Variants in RAB6A observed in about 807,000 individuals in gnomAD.
The protein encoded by RAB6A is ras-related protein Rab-6A.
In RAB6A, 8 loss-of-function variants were observed where a neutral mutation model predicts 32.3. That is an observed-to-expected ratio of 0.25 (90% CI 0.15 to 0.45). RAB6A has a LOEUF of 0.45. RAB6A is among the 20% of genes least tolerant of loss of function. The pLI is 1.00. For missense variants in RAB6A, 104 were observed against 249.4 expected, an observed-to-expected ratio of 0.42 and a Z score of 3.93; for synonymous variants, 73 against 82.1, an observed-to-expected ratio of 0.89 and a Z score of 0.60.
At chr11:73,722,337 A>ATTTTTT (rs1946152503) in intron 2 of RAB6A, 1 of 9,996 alleles carries the variant, frequency 1.0e-4, no homozygotes, top group African/African-American at 3.6e-4. Context: ...ATATATATAT[A>ATTTTTT]TATATATTTT....
intron 6 of RAB6A, among the ~76,000 whole-genome samples, chr11:73,699,122 G>A (rs1945702117): frequency 6.6e-6 from 1 of 151,960 alleles, no homozygotes; most frequent in African/African-American, 2.4e-5. Flanking sequence ...CAAGGTGCTG[G>A]GATTACATGT....
intron 6 of RAB6A, among the ~76,000 whole-genome samples, chr11:73,701,440 G>GTC (rs1308014332): frequency 2.6e-5 from 4 of 152,162 alleles, no homozygotes; most frequent in Non-Finnish European, 5.9e-5. Context: ...TCTGAATTGT[G>GTC]ACTGACCTAC....
At position 73,733,493 on chromosome 11, in the gene RAB6A, G is replaced by A. The variant is rs190915980; in HGVS notation, c.71-2670C>T. Among the ~76,000 whole-genome samples, 247 of 151,756 alleles carry A rather than the reference G, an allele frequency of 1.6e-3. 1 individual carries two copies. The highest frequency in any genetic ancestry group is 5.7e-3 in the African/African-American group (236 of 41,406). On this transcript the variant is annotated intron_variant, in intron 1 of 7. Transcript: ENST00000336083. ...GAACCCAGGAGGTGGAGGTTACAGT[G>A]AGCCGAGATCATGCCACTGCACTCC...
At chr11:73,714,213 T>A (rs200532846) in intron 5 of RAB6A, among the ~76,000 whole-genome samples, 2,117 of 93,766 alleles carry the variant, frequency 0.023, 33 homozygotes, top group Non-Finnish European at 0.025. Flanking sequence ...AAAAAAAATA[T>A]ATATATATAT....
chr11:73,724,820 G>A (rs924782227), intron 2 of RAB6A, among the ~76,000 whole-genome samples: 2 of 152,116 alleles, frequency 1.3e-5, no homozygotes, highest in African/African-American at 4.8e-5. Flanking sequence ...CTTTTGACTA[G>A]ATTAATAAAT....
Position 73,679,661 on chromosome 11 carries a change from T to C in RAB6A, c.555A>G (p.Arg185=). The change falls in exon 7 of 8, where the codon AGA becomes AGG. Residue 185 remains arginine (R), a synonymous_variant. Transcript: ENST00000336083. ...ATGAAATAAAAAGGATACTATCTTC[T>C]CTGCTTCTGTCCTGTGTGCTTTCCA... ...PGMESTQDRS[R]EDMIDIKLEK... The C allele has an allele frequency of 6.2e-7, 1 of 1,614,098 alleles. No individual in the cohort carries two copies. Among genetic ancestry groups the C allele is most frequent in the Non-Finnish European group, 8.5e-7 (1 of 1,179,930 alleles).
At position 73,676,415 on chromosome 11, in the gene RAB6A, G is replaced by A. The variant is rs969994219; in HGVS notation, c.*1483C>T. On this transcript the variant is annotated 3_prime_UTR_variant, in exon 8 of 8. Coordinates refer to ENST00000336083, the MANE Select transcript of RAB6A (RefSeq NM_198896.2). ...GTATATTTGTTTGCAGTGTTTTAAGGGAAATACATATTGCCATGGTGAAGC... is the reference window on the plus strand; with the variant it reads ...GTATATTTGTTTGCAGTGTTTTAAGAGAAATACATATTGCCATGGTGAAGC... The A allele has an allele frequency of 1.2e-5, 2 of 166,570 alleles. No homozygotes were observed. Among genetic ancestry groups the A allele is most frequent in the Non-Finnish European group, 2.9e-5 (2 of 68,054 alleles). 10.3% of individuals were successfully genotyped at this position (166,570 alleles called of 1,614,324 possible).
chr11:73,719,594 A>G (rs1946105128), intron 3 of RAB6A, among the ~76,000 whole-genome samples: 1 of 152,144 alleles, frequency 6.6e-6, no homozygotes, highest in Admixed American at 6.5e-5. Flanking sequence ...GCATCATGAT[A>G]AAGTCGTTTC....
intron 1 of RAB6A, among the ~76,000 whole-genome samples, chr11:73,739,284 A>AAAAAAAAAAATATATATAT (rs1208877325): frequency 1.5e-4 from 1 of 6,762 alleles, no homozygotes; most frequent in Non-Finnish European, 3.4e-4. Flanking sequence ...AAAAAAAAAA[A>AAAAAAAAAAATATATATAT]ATATATATAT....
rs770238533 is a variant in RAB6A at position 73,707,423 on chromosome 11, C to T, written c.492G>A (p.Lys164=). Residue 164 remains lysine, a synonymous_variant, in exon 6 of 8, where the codon AAG becomes AAA. Coordinates refer to ENST00000336083, the MANE Select transcript of RAB6A (RefSeq NM_198896.2). ...TGGTAACCTCAACTCAACTTACCTG[C>T]TTTACATTGTATCCAGCTTTTGCAC... is the stretch of plus-strand genomic sequence containing the variant. ...ETSAKAGYNV[K]QLFRRVAAAL... The T allele has an allele frequency of 2.5e-6, 4 of 1,609,102 alleles. No homozygotes were observed. Among genetic ancestry groups the T allele is most frequent in the Non-Finnish European group, 3.4e-6 (4 of 1,175,882 alleles).
rs192388108 is a variant in RAB6A at position 73,739,608 on chromosome 11, A to T, written c.71-8785T>A. Among the ~76,000 whole-genome samples the T allele has an allele frequency of 6.2e-4, 95 of 152,004 alleles. 1 individual carries two copies. Among genetic ancestry groups the T allele is most frequent in the African/African-American group, 2.2e-3 (92 of 41,502 alleles). On this transcript the variant is annotated intron_variant, in intron 1 of 7. Transcript: ENST00000336083. Reference sequence around the variant, plus strand: ...CCTGCCACCTCTAAGGTTGATTATTAAAAGTTAGATAAACTAATTATTGGG... The same window carrying T: ...CCTGCCACCTCTAAGGTTGATTATTTAAAGTTAGATAAACTAATTATTGGG...
At chr11:73,723,675 T>C (rs1946175357) in intron 2 of RAB6A, among the ~76,000 whole-genome samples, 1 of 152,114 alleles carries the variant, frequency 6.6e-6, no homozygotes, top group South Asian at 2.1e-4. Flanking sequence ...CATTAGCAGC[T>C]GAGAATCCTG....
At chr11:73,733,302 A>G (rs1186493847) in intron 1 of RAB6A, among the ~76,000 whole-genome samples, 4 of 152,100 alleles carry the variant, frequency 2.6e-5, no homozygotes, top group Admixed American at 2.6e-4. Context: ...TAATCCCAAC[A>G]CTTTGGGAGG....
At chr11:73,709,162 C>G (rs147585583) in intron 5 of RAB6A, among the ~76,000 whole-genome samples, 14 of 152,184 alleles carry the variant, frequency 9.2e-5, no homozygotes, top group Admixed American at 3.9e-4. Context: ...ATTATTAAAT[C>G]TGGGAATTAA....
At chr11:73,755,418 C>T (rs563007186) in intron 1 of RAB6A, among the ~76,000 whole-genome samples, 2 of 151,728 alleles carry the variant, frequency 1.3e-5, no homozygotes, top group Non-Finnish European at 2.9e-5. Context: ...CTCAGCCTCC[C>T]GAAGAGCTGG....
intron 3 of RAB6A, among the ~76,000 whole-genome samples, chr11:73,719,444 G>A (rs974188462): frequency 3.3e-5 from 5 of 152,120 alleles, no homozygotes; most frequent in African/African-American, 7.2e-5. Context: ...GAGTGTGTGC[G>A]CGCACGCATG....
At chr11:73,685,588 G>A (rs114943668) in intron 6 of RAB6A, among the ~76,000 whole-genome samples, 1 of 89,584 alleles carries the variant, frequency 1.1e-5, no homozygotes, top group African/African-American at 4.7e-5. Context: ...CGCCCGGACT[G>A]AAAGTAGCGA....
At chr11:73,704,778 C>T (rs1419042326) in intron 6 of RAB6A, among the ~76,000 whole-genome samples, 5 of 151,852 alleles carry the variant, frequency 3.3e-5, no homozygotes, top group Non-Finnish European at 7.4e-5. Context: ...GGGCAGATCA[C>T]GAGGTCAGGA....
At chr11:73,754,857 C>G (rs1159591462) in intron 1 of RAB6A, among the ~76,000 whole-genome samples, 1 of 149,810 alleles carries the variant, frequency 6.7e-6, no homozygotes. Context: ...GGCACTCACT[C>G]CATCCTGGGC....
Sources: gnomAD v4.1 joint callset for allele counts (sites outside exome capture counted in the v4.1 genomes callset) on GRCh38, gnomAD v4.1.1 for gene constraint, MANE v1.5 for transcripts, NCBI Gene and HGNC (gene_info 2026-07-23, HGNC 2026-07-21) for gene names.